SLC17A1: variants seen among roughly 807,000 people sequenced by gnomAD.
The protein encoded by SLC17A1 is sodium-dependent phosphate transport protein 1.
SLC17A1 carries 51 observed loss-of-function variants against 53.5 expected under a neutral mutation model. The ratio of observed to expected loss-of-function variants is 0.95; its 90% CI spans 0.76 to 1.20. SLC17A1 has a LOEUF of 1.20. Among genes scored for constraint, SLC17A1 ranks in the 50% most tolerant of loss-of-function variants. SLC17A1 has a pLI of 0.00. For missense variants in SLC17A1, 538 were observed against 568.2 expected (o/e 0.95, Z 0.54); for synonymous variants, 179 against 198.8 (o/e 0.90, Z 0.84).
At chr6:25,791,290 G>C (rs1007294457) in intron 12 of SLC17A1, among the ~76,000 whole-genome samples, 2 of 152,052 alleles carry the variant, frequency 1.3e-5, no homozygotes, top group African/African-American at 4.8e-5. Context: ...TTTCCTGGAA[G>C]AATAAACAGC....
intron 3 of SLC17A1, among the ~76,000 whole-genome samples, 162 bp downstream of exon 3, chr6:25,826,299 T>C (rs1001960583): frequency 1.3e-5 from 2 of 152,162 alleles, no homozygotes; most frequent in African/African-American, 4.8e-5. Flanking sequence ...AGGCATACTT[T>C]AATCATGGGA....
At chr6:25,756,271 G>GA in the SLC17A1 span, among the ~76,000 whole-genome samples, 2 of 152,050 alleles carry the variant, frequency 1.3e-5, no homozygotes, top group African/African-American at 4.8e-5. Context: ...CTTCTGCCTA[G>GA]AAAAACGTGA....
the SLC17A1 span, among the ~76,000 whole-genome samples, chr6:25,733,298 TAG>T: frequency 6.6e-6 from 1 of 152,312 alleles, no homozygotes; most frequent in South Asian, 2.1e-4. Context: ...GAATTTTAGT[TAG>T]AGTGTCGAAT....
chr6:25,782,131 C>T (rs1036203546), downstream of SLC17A1, among the ~76,000 whole-genome samples: 1 of 152,168 alleles, frequency 6.6e-6, no homozygotes, highest in African/African-American at 2.4e-5. Context: ...CACCTGACAG[C>T]CCAAGATGGT....
chr6:25,751,199 CAACCTGACG>C, the SLC17A1 span, among the ~76,000 whole-genome samples: 2 of 152,188 alleles, frequency 1.3e-5, no homozygotes, highest in African/African-American at 4.8e-5. Flanking sequence ...AAGTCATATT[CAACCTGACG>C]AGATAATATC....
Position 25,819,899 on chromosome 6 carries a change from C to A in SLC17A1, c.224G>T (p.Trp75Leu). 1 of 1,610,112 alleles carries A rather than the reference C, an allele frequency of 6.2e-7. No individual in the cohort carries two copies. The highest frequency in any genetic ancestry group is 2.2e-5 in the East Asian group (1 of 44,858). ...GATGATTCCCTGGATATCTGGGCTCCAATTATACATAGGGTTCTAAAAGAC... is the reference window on the plus strand; with the variant it reads ...GATGATTCCCTGGATATCTGGGCTCAAATTATACATAGGGTTCTAAAAGAC... ...LDNIKNPMYN[W>L]SPDIQGIILS... The change falls in exon 4 of 13, where the codon TGG becomes TTG. Residue 75 changes from tryptophan to leucine, a missense_variant. Trp to Leu is a moderately conservative substitution (Grantham distance 61, BLOSUM62 -2). Coordinates refer to ENST00000244527, the MANE Select transcript of SLC17A1 (RefSeq NM_005074.5).
At chr6:25,791,041 A>G (rs891962845) in intron 12 of SLC17A1, among the ~76,000 whole-genome samples, 2 of 152,204 alleles carry the variant, frequency 1.3e-5, no homozygotes, top group African/African-American at 4.8e-5. Context: ...TTTTGTAAGA[A>G]ATGCATAGGA....
At chr6:25,766,533 T>C in the SLC17A1 span, among the ~76,000 whole-genome samples, 2 of 151,878 alleles carry the variant, frequency 1.3e-5, no homozygotes, top group African/African-American at 2.4e-5. Flanking sequence ...AAAAAGAGAG[T>C]AATTTTACAG....
chr6:25,758,435 C>T, the SLC17A1 span, among the ~76,000 whole-genome samples: 1 of 152,288 alleles, frequency 6.6e-6, no homozygotes, highest in East Asian at 1.9e-4. Context: ...ACACCAAAGA[C>T]AAAGTTCAAT....
chr6:25,811,491 A>C lies in SLC17A1; in HGVS notation c.1085T>G (p.Phe362Cys). ...TATTAGGAAAATGACAATGCTGTAG[A>C]AGGTGGAACTCAGGTAAGGCAGGCA... is the stretch of plus-strand genomic sequence containing the variant. Reference protein sequence around the residue: ...GVCLPYLSSTFYSIVIFLILA... With the variant: ...GVCLPYLSSTCYSIVIFLILA... The change falls in exon 10 of 13, where the codon TTC (phenylalanine) becomes TGC (cysteine). Residue 362 changes from phenylalanine to cysteine, a missense_variant. Transcript: ENST00000244527. 6.2e-7 allele frequency: 1 copy of C among 1,614,078 alleles called. No individual in the cohort carries two copies. The highest frequency in any genetic ancestry group is 8.5e-7 in the Non-Finnish European group (1 of 1,179,946).
chr6:25,735,770 G>C, the SLC17A1 span, among the ~76,000 whole-genome samples: 2 of 152,118 alleles, frequency 1.3e-5, no homozygotes, highest in Non-Finnish European at 2.9e-5. Context: ...TTCACAAGTG[G>C]TTCATGACTT....
At chr6:25,792,389 A>G (rs995052875) in intron 12 of SLC17A1, among the ~76,000 whole-genome samples, 15 of 152,248 alleles carry the variant, frequency 9.9e-5, no homozygotes, top group Admixed American at 8.5e-4. Context: ...GCACTTTGGT[A>G]GGCCAAGGCA....
chr6:25,749,671 G>GA, the SLC17A1 span, among the ~76,000 whole-genome samples: 1 of 147,190 alleles, frequency 6.8e-6, no homozygotes, highest in Non-Finnish European at 1.5e-5. Flanking sequence ...AGGGACTCAA[G>GA]TTTTTTTTTT....
the SLC17A1 span, among the ~76,000 whole-genome samples, chr6:25,765,406 CA>C: frequency 1.3e-5 from 2 of 152,214 alleles, no homozygotes; most frequent in African/African-American, 4.8e-5. Flanking sequence ...GATGAAGTAA[CA>C]CATCTTAATC....
intron 11 of SLC17A1, among the ~76,000 whole-genome samples, chr6:25,800,173 C>T (rs926576519): frequency 1.3e-5 from 2 of 151,978 alleles, no homozygotes; most frequent in African/African-American, 4.8e-5. Flanking sequence ...TTTATGCCAG[C>T]ATTTCCATTC....
chr6:25,801,505 C>T (rs894138244), intron 10 of SLC17A1, among the ~76,000 whole-genome samples: 14 of 152,118 alleles, frequency 9.2e-5, no homozygotes, highest in Admixed American at 6.6e-4. Flanking sequence ...GAAGCTGCAG[C>T]GAACGATAGA....
chr6:25,796,043 T>G (rs1763595245), intron 12 of SLC17A1, among the ~76,000 whole-genome samples: 1 of 152,176 alleles, frequency 6.6e-6, no homozygotes, highest in Non-Finnish European at 1.5e-5. Flanking sequence ...TTATGGAATC[T>G]GAATAAAGTA....
At chr6:25,830,695 G>A (rs1394408673) in intron 1 of SLC17A1, 88 bp from the exon 2 acceptor site, 7 of 762,400 alleles carry the variant, frequency 9.2e-6, no homozygotes, top group South Asian at 1.9e-5. Flanking sequence ...ATTTAAAACC[G>A]CTTCCAAGGA....
In SLC17A1 at chr6:25,826,533, T is replaced by C; in HGVS notation, c.135A>G (p.Val45=). The C allele has an allele frequency of 1.9e-6, 3 of 1,611,086 alleles. No individual in the cohort carries two copies. Among genetic ancestry groups the C allele is most frequent in the Non-Finnish European group, 2.5e-6 (3 of 1,177,622 alleles). ...AQRACLNLTM[V]VMVNSTDPHG... Reference sequence around the variant, plus strand: ...GTGGATCTGTGCTATTCACCATGACTACCATTGTGAGGTTCAGGCACGCAC... The same window carrying C: ...GTGGATCTGTGCTATTCACCATGACCACCATTGTGAGGTTCAGGCACGCAC... The change falls in exon 3 of 13, where the codon GTA becomes GTG. Residue 45 remains valine (V), a synonymous_variant. Coordinates refer to ENST00000244527, the MANE Select transcript of SLC17A1 (RefSeq NM_005074.5).
Sources: gnomAD v4.1 joint callset for allele counts (sites outside exome capture counted in the v4.1 genomes callset) on GRCh38, gnomAD v4.1.1 for gene constraint, MANE v1.5 for transcripts, NCBI Gene and HGNC (gene_info 2026-07-23, HGNC 2026-07-21) for gene names.